Variants in DAB1 observed in about 807,000 individuals in gnomAD.
DAB1 encodes DAB adaptor protein 1, also known as disabled homolog 1.
DAB1 carries 15 observed loss-of-function variants against 64.6 expected under a neutral mutation model. The ratio of observed to expected loss-of-function variants is 0.23; its 90% CI spans 0.16 to 0.36. The LOEUF (loss-of-function observed/expected upper bound fraction) is 0.36. Ranked by LOEUF, DAB1 falls within the 10% of genes least tolerant of loss-of-function variation. The probability of loss-of-function intolerance (pLI) is 1.00; values close to 1 mark genes in which losing one functional copy is unlikely to be tolerated. For synonymous variants in DAB1, 235 were observed against 251.9 expected (o/e 0.93, Z 0.64); for missense variants, 596 against 706.7 (o/e 0.84, Z 1.78).
chr1:58,181,483 T>G (rs1015789313), intron 4 of DAB1, among the ~76,000 whole-genome samples: 1 of 152,134 alleles, frequency 6.6e-6, no homozygotes, highest in Non-Finnish European at 1.5e-5. Flanking sequence ...ATTTTGATAC[T>G]TTTTTGTATG....
intron 4 of DAB1, among the ~76,000 whole-genome samples, chr1:57,078,132 C>T (rs546365688): frequency 6.6e-6 from 1 of 152,270 alleles, no homozygotes; most frequent in South Asian, 2.1e-4. Context: ...TCTGCACCAG[C>T]CCCCAGGCAA....
chr1:58,082,590 G>A (rs1650063023), intron 5 of DAB1, among the ~76,000 whole-genome samples: 1 of 152,110 alleles, frequency 6.6e-6, no homozygotes. Flanking sequence ...AAAAGGTGGT[G>A]GAGAGCAGCA....
chr1:57,123,273 A>C (rs1173178136), intron 4 of DAB1, among the ~76,000 whole-genome samples: 1 of 152,146 alleles, frequency 6.6e-6, no homozygotes, highest in Non-Finnish European at 1.5e-5. Flanking sequence ...ACTTCAGTCA[A>C]TTCTTAATAT....
At chr1:57,707,843 G>A (rs1646986309) in intron 6 of DAB1, among the ~76,000 whole-genome samples, 1 of 152,156 alleles carries the variant, frequency 6.6e-6, no homozygotes, top group South Asian at 2.1e-4. Context: ...GGCTCTCTGA[G>A]CCCAGGATCT....
chr1:57,519,765 T>C lies in DAB1; in HGVS notation n.625+129827A>G, dbSNP rs148682856. Among the ~76,000 whole-genome samples the C allele has an allele frequency of 2.2e-3, 335 of 152,354 alleles. 4 individuals carry two copies. Among genetic ancestry groups the C allele is most frequent in the Non-Finnish European group, 3.8e-4 (26 of 68,038 alleles). ...GCACATTAATACAAAATAAGGAGCC[T>C]TATAATTAACACTTAGCTGTTCAAA... is the stretch of plus-strand genomic sequence containing the variant. On this transcript the variant is annotated intron_variant and non_coding_transcript_variant, in intron 7 of 20. Coordinates refer to the DAB1 transcript ENST00000485760.
chr1:57,603,951 T>A (rs894521259), intron 7 of DAB1, among the ~76,000 whole-genome samples: 4 of 152,294 alleles, frequency 2.6e-5, no homozygotes, highest in Non-Finnish European at 4.4e-5. Context: ...CATTCCCAAA[T>A]CCCTCTATGA....
intron 6 of DAB1, among the ~76,000 whole-genome samples, chr1:57,785,192 G>T (rs1650281898): frequency 6.6e-6 from 1 of 151,980 alleles, no homozygotes; most frequent in Admixed American, 6.6e-5. Context: ...TTACTGCTCA[G>T]AAAAAAGATA....
At chr1:57,927,155 T>G (rs1276605604) in intron 5 of DAB1, among the ~76,000 whole-genome samples, 2 of 152,228 alleles carry the variant, frequency 1.3e-5, no homozygotes, top group Non-Finnish European at 2.9e-5. Flanking sequence ...TAATAAGCAT[T>G]ACACCCATGA....
rs184831319 is a variant in DAB1 at position 58,060,860 on chromosome 1, C to T, written n.387+89651G>A. ...TTCCTGCCATGACATCACATTACAA[C>T]GTGGAACATCTGGTTCCTCGGCAGG... On this transcript the variant is annotated intron_variant and non_coding_transcript_variant, in intron 5 of 20. Transcript: ENST00000485760. 8.1e-4 allele frequency among the ~76,000 whole-genome samples: 123 copies of T among 152,368 alleles called. 1 individual carries two copies. The highest frequency in any genetic ancestry group is 2.7e-3 in the African/African-American group (114 of 41,590).
chr1:57,994,962 G>A (rs1409454955), intron 5 of DAB1, among the ~76,000 whole-genome samples: 1 of 152,160 alleles, frequency 6.6e-6, no homozygotes, highest in African/African-American at 2.4e-5. Flanking sequence ...GAGAGAGGAT[G>A]TCAGAATTAC....
At chr1:58,272,857 G>T (rs1469087556) in intron 4 of DAB1, among the ~76,000 whole-genome samples, 2 of 138,018 alleles carry the variant, frequency 1.4e-5, no homozygotes, top group Non-Finnish European at 3.2e-5. Flanking sequence ...TTTTCCATTT[G>T]CTTGGTAGAT....
intron 6 of DAB1, among the ~76,000 whole-genome samples, chr1:57,696,521 T>TC (rs1646847746): frequency 1.3e-5 from 2 of 151,254 alleles, no homozygotes; most frequent in Non-Finnish European, 2.9e-5. Flanking sequence ...GGAAAACAAC[T>TC]CCCTGTGCCA....
chr1:58,276,086 C>T (rs1290242392), intron 4 of DAB1, among the ~76,000 whole-genome samples: 3 of 152,182 alleles, frequency 2.0e-5, no homozygotes, highest in African/African-American at 7.2e-5. Flanking sequence ...TATAATTCCA[C>T]TTATATGTGA....
At chr1:58,461,711 G>A (rs189588013) in intron 3 of DAB1, among the ~76,000 whole-genome samples, 15 of 152,290 alleles carry the variant, frequency 9.8e-5, no homozygotes, top group Non-Finnish European at 1.5e-4. Flanking sequence ...AAAGACTACC[G>A]ATGAAGGCAC....
chr1:57,356,832 G>A (rs537666617), intron 1 of DAB1, among the ~76,000 whole-genome samples: 3 of 151,834 alleles, frequency 2.0e-5, no homozygotes, highest in Non-Finnish European at 4.4e-5. Flanking sequence ...ACTGCCTCTC[G>A]CAATAGACCA....
Position 58,146,084 on chromosome 1 carries a change from G to A in DAB1, n.387+4427C>T, listed in dbSNP as rs1312695063. On this transcript the variant is annotated intron_variant and non_coding_transcript_variant, in intron 5 of 20. Coordinates refer to the DAB1 transcript ENST00000485760. The stretch of plus-strand genomic sequence containing the variant: ...TATCTTTTATCTAGCTTACTTTATT[G>A]TAAAAATACAGTACATAATCCATAT... Among the ~76,000 whole-genome samples, 6 of 151,936 alleles carry A rather than the reference G, an allele frequency of 3.9e-5. No individual in the cohort carries two copies. In the East Asian group the frequency reaches 1.2e-3, roughly 29 times the overall value.
intron 4 of DAB1, among the ~76,000 whole-genome samples, chr1:58,252,064 TAATC>T (rs1198560003): frequency 6.6e-6 from 1 of 152,190 alleles, no homozygotes; most frequent in African/African-American, 2.4e-5. Context: ...ATATAAATAA[TAATC>T]TATATATTCT....
chr1:57,334,175 T>C (rs568196459), intron 1 of DAB1, among the ~76,000 whole-genome samples: 1 of 152,294 alleles, frequency 6.6e-6, no homozygotes, highest in African/African-American at 2.4e-5. Context: ...AGGCTAAGAC[T>C]GTGTGGCAGG....
chr1:57,144,624 G>A (rs1658931780), intron 3 of DAB1, among the ~76,000 whole-genome samples: 1 of 151,352 alleles, frequency 6.6e-6, no homozygotes, highest in Non-Finnish European at 1.5e-5. Context: ...AACCCAGGAG[G>A]CGGAAGTTGC....
Sources: allele counts gnomAD v4.1 joint callset (sites outside exome capture counted in the v4.1 genomes callset), GRCh38; gene constraint gnomAD v4.1.1; transcripts MANE v1.5; gene names NCBI Gene and HGNC (gene_info 2026-07-23, HGNC 2026-07-21).